The following TSHZ2 variants were observed in gnomAD, a reference collection of about 807,000 sequenced individuals.
TSHZ2 encodes teashirt homolog 2.
In TSHZ2, 21 loss-of-function variants were observed where a neutral mutation model predicts 74.4. That is an observed-to-expected ratio of 0.28 (90% CI 0.20 to 0.41). The LOEUF (loss-of-function observed/expected upper bound fraction) is 0.41, where lower values mean the gene tolerates loss of function less well. Among genes scored for constraint, TSHZ2 ranks in the 10% least tolerant of loss-of-function variants. The pLI is 1.00. For missense variants in TSHZ2, 1,244 were observed against 1,293.5 expected (o/e 0.96, Z 0.59); for synonymous variants, 540 against 515.3 (o/e 1.05, Z -0.65).
At chr20:52,973,682 C>T (rs1981217577) in intron 1 of TSHZ2, among the ~76,000 whole-genome samples, 1 of 152,174 alleles carries the variant, frequency 6.6e-6, no homozygotes, top group African/African-American at 2.4e-5. Context: ...CCCCTCCACC[C>T]CTGCATCCCT....
chr20:53,220,695 G>T (rs566561135), intron 1 of TSHZ2, among the ~76,000 whole-genome samples: 1 of 152,166 alleles, frequency 6.6e-6, no homozygotes, highest in Admixed American at 6.5e-5. Flanking sequence ...GACTGCTCCC[G>T]GATGTGAGGG....
At chr20:53,482,994 C>G (rs1360452542) in intron 2 of TSHZ2, among the ~76,000 whole-genome samples, 1 of 152,216 alleles carries the variant, frequency 6.6e-6, no homozygotes, top group Non-Finnish European at 1.5e-5. Flanking sequence ...CTTCTCTTTA[C>G]CCTTCTTCAA....
chr20:53,456,655 A>T (rs113342661), intron 2 of TSHZ2, among the ~76,000 whole-genome samples: 8 of 129,448 alleles, frequency 6.2e-5, no homozygotes, highest in Non-Finnish European at 9.6e-5. Flanking sequence ...TGAATGGTAA[A>T]GCCTAGGTTT....
At chr20:53,463,889 A>G (rs553418686) in intron 2 of TSHZ2, among the ~76,000 whole-genome samples, 1 of 152,342 alleles carries the variant, frequency 6.6e-6, no homozygotes, top group African/African-American at 2.4e-5. Context: ...TTGAGGATTA[A>G]ATAAGATATA....
intron 2 of TSHZ2, among the ~76,000 whole-genome samples, chr20:53,443,426 TAGG>T (rs1158496316): frequency 1.3e-5 from 2 of 152,170 alleles, no homozygotes; most frequent in African/African-American, 4.8e-5. Context: ...CAACTCTAAA[TAGG>T]AGAAAAATTC....
chr20:53,068,183 T>G (rs1198311260), intron 1 of TSHZ2, among the ~76,000 whole-genome samples: 3 of 152,186 alleles, frequency 2.0e-5, no homozygotes, highest in Non-Finnish European at 4.4e-5. Flanking sequence ...AACGTCATAT[T>G]CACGGGTACC....
chr20:52,988,205 G>A (rs16997387), intron 1 of TSHZ2, among the ~76,000 whole-genome samples: 28 of 152,110 alleles, frequency 1.8e-4, no homozygotes, highest in African/African-American at 6.0e-4. Context: ...ATATAACAAC[G>A]AAGCCAAAAG....
intron 1 of TSHZ2, among the ~76,000 whole-genome samples, chr20:53,151,456 A>C (rs902765129): frequency 6.6e-6 from 1 of 152,220 alleles, no homozygotes; most frequent in African/African-American, 2.4e-5. Context: ...TGTGTTTTAC[A>C]GTTCAGAGTT....
intron 1 of TSHZ2, among the ~76,000 whole-genome samples, chr20:53,009,657 C>G (rs1982779955): frequency 6.6e-6 from 1 of 152,102 alleles, no homozygotes; most frequent in African/African-American, 2.4e-5. Flanking sequence ...TCAATGTTAA[C>G]TTTTTTAGCC....
At chr20:53,357,289 G>C (rs1398803786) in intron 2 of TSHZ2, among the ~76,000 whole-genome samples, 1 of 152,080 alleles carries the variant, frequency 6.6e-6, no homozygotes, top group Non-Finnish European at 1.5e-5. Context: ...TCAATAATTT[G>C]TTACTATTAT....
At chr20:53,250,339 A>T (rs1040306318) in intron 1 of TSHZ2, among the ~76,000 whole-genome samples, 1 of 152,234 alleles carries the variant, frequency 6.6e-6, no homozygotes, top group Non-Finnish European at 1.5e-5. Flanking sequence ...TAAACAAGTC[A>T]TCAATACAGA....
intron 2 of TSHZ2, among the ~76,000 whole-genome samples, chr20:53,457,890 T>C (rs1985170304): frequency 6.6e-6 from 1 of 150,568 alleles, no homozygotes; most frequent in African/African-American, 2.4e-5. Context: ...GAACCAGCCT[T>C]GCATCCCAGG....
intron 1 of TSHZ2, among the ~76,000 whole-genome samples, chr20:53,140,450 G>A (rs1987362489): frequency 6.8e-6 from 1 of 147,020 alleles, no homozygotes; most frequent in South Asian, 2.2e-4. Flanking sequence ...TGAGGCAGGA[G>A]AATGGCATGA....
At chr20:53,354,451 TAACTG>T (rs1232849958) in intron 2 of TSHZ2, among the ~76,000 whole-genome samples, 1 of 152,246 alleles carries the variant, frequency 6.6e-6, no homozygotes, top group Admixed American at 6.5e-5. Flanking sequence ...CACTTCTTCT[TAACTG>T]AAGAAAGCAT....
chr20:53,028,455 A>G (rs1600653916), intron 1 of TSHZ2, among the ~76,000 whole-genome samples: 1 of 152,244 alleles, frequency 6.6e-6, no homozygotes, highest in East Asian at 1.9e-4. Context: ...CACCTTGGCA[A>G]TGTTTGATGA....
chr20:53,004,440 A>C (rs984055681), intron 1 of TSHZ2, among the ~76,000 whole-genome samples: 14 of 152,328 alleles, frequency 9.2e-5, no homozygotes, highest in Admixed American at 7.2e-4. Context: ...AAAGACCAGA[A>C]GGGTCAGAGT....
intron 1 of TSHZ2, among the ~76,000 whole-genome samples, chr20:53,129,868 C>T (rs1987054546): frequency 6.6e-6 from 1 of 151,832 alleles, no homozygotes; most frequent in African/African-American, 2.4e-5. Flanking sequence ...AGCACAAATT[C>T]CTGATCTGAT....
chr20:53,142,794 C>T (rs1004100524), intron 1 of TSHZ2, among the ~76,000 whole-genome samples: 40 of 151,148 alleles, frequency 2.6e-4, no homozygotes, highest in African/African-American at 8.5e-4. Flanking sequence ...CCTCTAAACC[C>T]ACCCACAAGC....
intron 2 of TSHZ2, among the ~76,000 whole-genome samples, chr20:53,337,216 T>G (rs1979987856): frequency 6.6e-6 from 1 of 152,224 alleles, no homozygotes; most frequent in South Asian, 2.1e-4. Context: ...TCTCCCTGCA[T>G]GCATTGTTGA....
Sources: allele counts gnomAD v4.1 joint callset (sites outside exome capture counted in the v4.1 genomes callset), GRCh38; gene constraint gnomAD v4.1.1; transcripts MANE v1.5; gene names NCBI Gene and HGNC (gene_info 2026-07-23, HGNC 2026-07-21).